The following BACC1 variants were observed in gnomAD, a reference collection of about 807,000 sequenced individuals.
The protein encoded by BACC1 is BPTF-associated chromatin complex component 1.
chr17:7,016,812 AGAGGGGAGGG>A, the BACC1 span: 17 of 1,525,142 alleles, frequency 1.1e-5, no homozygotes, highest in Non-Finnish European at 9.0e-7. Context: ...AGAGAGGGGC[AGAGGGGAGGG>A]GAGAGGAGGC....
chr17:7,014,977 G>A, the BACC1 span: 1 of 1,428,654 alleles, frequency 7.0e-7, no homozygotes, highest in East Asian at 3.0e-5. This position sits in a 1 kb window ranked among gnomAD's most constrained non-coding sequence, Gnocchi z 4.5. Flanking sequence ...GGGCGGGCGG[G>A]AGCCGAGCCT....
At chr17:7,016,237 CA>C in the BACC1 span, 8 of 536,982 alleles carry the variant, frequency 1.5e-5, no homozygotes, top group Non-Finnish European at 2.6e-5. Flanking sequence ...TGTAAATCAC[CA>C]AGCTCTACCT....
the BACC1 span, chr17:7,017,184 A>T: frequency 6.2e-7 from 1 of 1,601,702 alleles, no homozygotes; most frequent in Non-Finnish European, 8.6e-7. Context: ...AGGGTGTTTC[A>T]GGGAGGTGGG....
the BACC1 span, chr17:7,015,735 C>G: frequency 1.3e-5 from 20 of 1,577,248 alleles, no homozygotes; most frequent in Admixed American, 1.5e-4. Context: ...CCACACCCCC[C>G]CTCCCATTTT....
the BACC1 span, chr17:7,015,120 T>C: frequency 6.3e-7 from 1 of 1,585,728 alleles, no homozygotes; most frequent in South Asian, 1.1e-5. Context: ...GAGCTGACGA[T>C]GCAGCTGCAT....
the BACC1 span, chr17:7,016,985 C>T: frequency 6.2e-7 from 1 of 1,614,018 alleles, no homozygotes; most frequent in South Asian, 1.1e-5. Context: ...GGAGAAACTC[C>T]TCCAGCTAAG....
chr17:7,016,958 TGGATA>T, the BACC1 span: 1 of 1,613,828 alleles, frequency 6.2e-7, no homozygotes. Context: ...AGTGACGTGG[TGGATA>T]TTGAAGGGCT....
chr17:7,015,241 C>A, the BACC1 span: 24 of 1,451,152 alleles, frequency 1.7e-5, no homozygotes, highest in Non-Finnish European at 1.8e-5. Flanking sequence ...AGCACAGGGA[C>A]AGACATTAGT....
At chr17:7,014,925 C>CG in the BACC1 span, 39 of 1,481,392 alleles carry the variant, frequency 2.6e-5, no homozygotes, top group Non-Finnish European at 3.0e-5. The surrounding 1 kb of genome is among the most constrained non-coding windows in gnomAD (Gnocchi z 4.5). Flanking sequence ...CACGGGAGGG[C>CG]GGGCCCCCCA....
At chr17:7,016,556 G>T in the BACC1 span, 1 of 1,614,154 alleles carries the variant, frequency 6.2e-7, no homozygotes, top group South Asian at 1.1e-5. Flanking sequence ...CCCCCTTCCA[G>T]CTGAGTCACC....
the BACC1 span, chr17:7,015,540 A>T: frequency 7.1e-7 from 1 of 1,416,908 alleles, no homozygotes; most frequent in Non-Finnish European, 9.2e-7. Flanking sequence ...TTGATGGTGG[A>T]AAGGGGTGTC....
the BACC1 span, chr17:7,015,757 C>G: frequency 6.2e-7 from 1 of 1,611,016 alleles, no homozygotes; most frequent in East Asian, 2.2e-5. Context: ...GCTATCCCCC[C>G]TCTCCCCTTC....
the BACC1 span, chr17:7,016,762 A>C: frequency 6.5e-7 from 1 of 1,541,954 alleles, no homozygotes. Flanking sequence ...CCTGGGTCAA[A>C]GAAGGGTCAG....
chr17:7,016,095 G>A, the BACC1 span: 487 of 555,486 alleles, frequency 8.8e-4, 5 homozygotes, highest in East Asian at 0.015. Context: ...AATTTAGGTT[G>A]CCTGAGATGC....
chr17:7,015,654 C>T, the BACC1 span: 4 of 1,329,342 alleles, frequency 3.0e-6, no homozygotes, highest in South Asian at 1.4e-5. Context: ...TTTATGCATC[C>T]GTGGAAGGGG....
At chr17:7,016,586 G>A in the BACC1 span, 1 of 1,614,194 alleles carries the variant, frequency 6.2e-7, no homozygotes, top group Non-Finnish European at 8.5e-7. Context: ...GCCCAAGAAG[G>A]TGGCATCTGG....
chr17:7,014,817 A>C, the BACC1 span: 1 of 1,525,064 alleles, frequency 6.6e-7, no homozygotes, highest in Non-Finnish European at 8.8e-7. This position sits in a 1 kb window ranked among gnomAD's most constrained non-coding sequence, Gnocchi z 4.5. Flanking sequence ...GCTCGCGTGT[A>C]GCGGCGGCGG....
At chr17:7,014,827 G>A in the BACC1 span, 1 of 1,527,538 alleles carries the variant, frequency 6.5e-7, no homozygotes, top group Non-Finnish European at 8.8e-7. The surrounding 1 kb of genome is among the most constrained non-coding windows in gnomAD (Gnocchi z 4.5). Flanking sequence ...AGCGGCGGCG[G>A]CGGCGTCTCC....
At chr17:7,016,821 GGGAGA>G in the BACC1 span, 1 of 1,525,982 alleles carries the variant, frequency 6.6e-7, no homozygotes, top group Non-Finnish European at 9.1e-7. Flanking sequence ...CAGAGGGGAG[GGGAGA>G]GGAGGCACAA....
Sources: allele counts gnomAD v4.1 joint callset, GRCh38; gene constraint gnomAD v4.1.1; non-coding constraint Gnocchi (gnomAD v3.1); transcripts MANE v1.5; gene names NCBI Gene and HGNC (gene_info 2026-07-23, HGNC 2026-07-21).